PCBP3: variants seen among roughly 807,000 people sequenced by gnomAD.
PCBP3 encodes poly(rC)-binding protein 3.
PCBP3 carries 25 observed loss-of-function variants against 52.7 expected under a neutral mutation model. The ratio of observed to expected loss-of-function variants is 0.47; its 90% CI spans 0.35 to 0.66. The LOEUF is 0.66. Ranked by LOEUF, PCBP3 falls within the 30% of genes least tolerant of loss-of-function variation. PCBP3 has a pLI of 0.01. For synonymous variants in PCBP3, 162 were observed against 183.0 expected, an observed-to-expected ratio of 0.89 and a Z score of 0.93; for missense variants, 391 against 490.3, an observed-to-expected ratio of 0.80 and a Z score of 1.91.
chr21:45,800,783 T>C lies in PCBP3; in HGVS notation c.-126+45331T>C, dbSNP rs2092269030. Among the ~76,000 whole-genome samples, 1 of 152,202 alleles carries C rather than the reference T, an allele frequency of 6.6e-6. No homozygotes were observed. Among genetic ancestry groups the C allele is most frequent in the African/African-American group, 2.4e-5 (1 of 41,462 alleles). ...ATGTCTTTCCCTGACCTCGTTTGTG[T>C]GGCCCTGGTGCCCAATGACTGACTT... On this transcript the variant is annotated intron_variant, in intron 4 of 17. Coordinates refer to ENST00000681687, the MANE Select transcript of PCBP3 (RefSeq NM_001384156.1). This position sits in a 1 kb window ranked among gnomAD's most constrained non-coding sequence, Gnocchi z 5.3.
chr21:45,887,037 C>T (rs1030164254), intron 5 of PCBP3, among the ~76,000 whole-genome samples: 9 of 152,214 alleles, frequency 5.9e-5, no homozygotes, highest in African/African-American at 2.2e-4. Flanking sequence ...ACTGACCCTT[C>T]GGCTGCAGAA....
chr21:45,820,816 C>G (rs1328012809), intron 4 of PCBP3, among the ~76,000 whole-genome samples: 1 of 152,152 alleles, frequency 6.6e-6, no homozygotes, highest in African/African-American at 2.4e-5. Context: ...TGGTGGGAGG[C>G]GCTTTTTCAT....
At chr21:45,688,676 A>G (rs571389896) in intron 2 of PCBP3, among the ~76,000 whole-genome samples, 1 of 152,168 alleles carries the variant, frequency 6.6e-6, no homozygotes, top group Non-Finnish European at 1.5e-5. Flanking sequence ...AGGCATAATC[A>G]TTGTACTTGA....
chr21:45,797,686 A>AGACTGAATGTG (rs1425899799), intron 4 of PCBP3, among the ~76,000 whole-genome samples: 1 of 152,042 alleles, frequency 6.6e-6, no homozygotes, highest in Non-Finnish European at 1.5e-5. Flanking sequence ...GAATGCATAG[A>AGACTGAATGTG]TGGACGAGTG....
intron 2 of PCBP3, among the ~76,000 whole-genome samples, chr21:45,727,027 G>A (rs1484006102): frequency 6.6e-6 from 1 of 152,064 alleles, no homozygotes; most frequent in African/African-American, 2.4e-5. Flanking sequence ...TTAAAATTTG[G>A]TAACCTCCAA....
intron 2 of PCBP3, among the ~76,000 whole-genome samples, chr21:45,678,882 G>A (rs1462270159): frequency 1.3e-5 from 2 of 151,968 alleles, no homozygotes; most frequent in Admixed American, 6.6e-5. Flanking sequence ...AGCATCACAT[G>A]CTACAGAGAA....
chr21:45,717,629 T>C (rs1477509048), intron 2 of PCBP3, among the ~76,000 whole-genome samples: 1 of 152,230 alleles, frequency 6.6e-6, no homozygotes, highest in African/African-American at 2.4e-5. Flanking sequence ...ATATGATGTA[T>C]TGCATTGATC....
At chr21:45,868,637 C>T (rs1456523488) in intron 5 of PCBP3, among the ~76,000 whole-genome samples, 2 of 152,190 alleles carry the variant, frequency 1.3e-5, no homozygotes, top group Admixed American at 1.3e-4. Flanking sequence ...GCGGGCATTT[C>T]TGCGAGCCTG....
At chr21:45,926,087 C>T (rs2075366862) in intron 13 of PCBP3, among the ~76,000 whole-genome samples, 1 of 152,256 alleles carries the variant, frequency 6.6e-6, no homozygotes, top group Non-Finnish European at 1.5e-5. Context: ...ACCACACTCT[C>T]TTAGCACAAA....
At chr21:45,799,687 G>A (rs1456272929) in intron 4 of PCBP3, among the ~76,000 whole-genome samples, 1 of 150,942 alleles carries the variant, frequency 6.6e-6, no homozygotes, top group Admixed American at 6.6e-5. Context: ...CCAGGCCAAG[G>A]TATCCGTGCC....
At chr21:45,646,083 T>TCTCTCTCTCTCTC (rs1206207801) in intron 1 of PCBP3, among the ~76,000 whole-genome samples, 23 of 99,592 alleles carry the variant, frequency 2.3e-4, no homozygotes, top group African/African-American at 3.0e-4. Flanking sequence ...CTCTCTCTCT[T>TCTCTCTCTCTCTC]TCTCTCTCTC....
intron 5 of PCBP3, among the ~76,000 whole-genome samples, chr21:45,894,561 T>C (rs2095773557): frequency 6.6e-6 from 1 of 152,248 alleles, no homozygotes; most frequent in Non-Finnish European, 1.5e-5. Context: ...TTCTGAGATC[T>C]GTCTACACGA....
chr21:45,699,804 C>T (rs926889725), intron 2 of PCBP3, among the ~76,000 whole-genome samples: 5 of 152,128 alleles, frequency 3.3e-5, no homozygotes, highest in African/African-American at 4.8e-5. Flanking sequence ...AAGACCCACC[C>T]GCGTGATTCA....
At chr21:45,857,447 T>C (rs1273412066) in intron 5 of PCBP3, among the ~76,000 whole-genome samples, 1 of 152,132 alleles carries the variant, frequency 6.6e-6, no homozygotes, top group African/African-American at 2.4e-5. Context: ...CAGATGCCAA[T>C]GCTGAGCCTC....
At chr21:45,759,327 C>T (rs892729128) in intron 4 of PCBP3, among the ~76,000 whole-genome samples, 59 of 152,158 alleles carry the variant, frequency 3.9e-4, no homozygotes, top group Non-Finnish European at 6.0e-4. Context: ...AGTTTTTAAA[C>T]TGTGAATTCA....
At chr21:45,888,113 C>T (rs8134872) in intron 5 of PCBP3, among the ~76,000 whole-genome samples, 45,296 of 152,142 alleles carry the variant, frequency 0.3, 8,222 homozygotes, top group East Asian at 0.67. Flanking sequence ...GTGTACGAAT[C>T]CCAGGGAGGC....
At chr21:45,657,631 T>C in intron 1 of PCBP3, among the ~76,000 whole-genome samples, 1 of 152,070 alleles carries the variant, frequency 6.6e-6, no homozygotes, top group East Asian at 1.9e-4. Flanking sequence ...TCCTGGTCCC[T>C]TGCATTTTCA....
chr21:45,893,787 C>G, intron 5 of PCBP3: 1 of 985,444 alleles, frequency 1.0e-6, no homozygotes, highest in Non-Finnish European at 1.2e-6. Flanking sequence ...TGGGGAGGGG[C>G]GGGCAAGCCT....
At chr21:45,803,783 C>T (rs1367607138) in intron 4 of PCBP3, among the ~76,000 whole-genome samples, 1 of 152,172 alleles carries the variant, frequency 6.6e-6, no homozygotes, top group East Asian at 1.9e-4. Context: ...ATGGTGACAG[C>T]CTGGAACATG....
Sources: allele counts gnomAD v4.1 joint callset (sites outside exome capture counted in the v4.1 genomes callset), GRCh38; gene constraint gnomAD v4.1.1; non-coding constraint Gnocchi (gnomAD v3.1); transcripts MANE v1.5; gene names NCBI Gene and HGNC (gene_info 2026-07-23, HGNC 2026-07-21).